BCL2: variants seen among roughly 807,000 people sequenced by gnomAD.
BCL2 encodes the protein apoptosis regulator Bcl-2.
In BCL2, 1 loss-of-function variant was observed where a neutral mutation model predicts 14.2. The observed-to-expected ratio is 0.07, with a 90% confidence interval of 0.02 to 0.33. The LOEUF (loss-of-function observed/expected upper bound fraction) is 0.33. BCL2 is among the 10% of genes least tolerant of loss of function. BCL2 has a pLI of 0.99. For synonymous variants in BCL2, 151 were observed against 137.2 expected (o/e 1.10, Z -0.70); for missense variants, 247 against 305.9 (o/e 0.81, Z 1.44).
At chr18:63,234,317 A>T (rs1303801803) in intron 2 of BCL2, among the ~76,000 whole-genome samples, 1 of 151,922 alleles carries the variant, frequency 6.6e-6, no homozygotes, top group Non-Finnish European at 1.5e-5. Context: ...TTCAGCTCCC[A>T]CTTATAAGTG....
chr18:63,210,076 G>A (rs1475269706), intron 2 of BCL2, among the ~76,000 whole-genome samples: 1 of 152,196 alleles, frequency 6.6e-6, no homozygotes, highest in Non-Finnish European at 1.5e-5. Context: ...CAGTCAGGAA[G>A]AAACCATCCA....
At chr18:63,169,387 CTTTT>C (rs768707055) in intron 2 of BCL2, among the ~76,000 whole-genome samples, 1 of 65,534 alleles carries the variant, frequency 1.5e-5, no homozygotes, top group Non-Finnish European at 2.7e-5. Flanking sequence ...TTCTTTCTTT[CTTTT>C]TCTTTCTTTC....
At chr18:63,190,057 T>C (rs1371115459) in intron 2 of BCL2, among the ~76,000 whole-genome samples, 2 of 152,186 alleles carry the variant, frequency 1.3e-5, no homozygotes, top group Non-Finnish European at 2.9e-5. Context: ...GGATTTACCA[T>C]ATTACTCAGC....
chr18:63,237,809 T>G (rs1910882535), intron 2 of BCL2, among the ~76,000 whole-genome samples: 1 of 152,268 alleles, frequency 6.6e-6, no homozygotes, highest in South Asian at 2.1e-4. Flanking sequence ...AACAGAGAAT[T>G]AGCTGTTGCT....
At chr18:63,299,950 C>T (rs72945066) in intron 2 of BCL2, among the ~76,000 whole-genome samples, 2,990 of 152,156 alleles carry the variant, frequency 0.02, 31 homozygotes, top group Non-Finnish European at 0.032. Context: ...TCTGTTTCCC[C>T]AGGAGACTGT....
intron 2 of BCL2, among the ~76,000 whole-genome samples, chr18:63,150,292 G>A (rs1354419276): frequency 6.6e-6 from 1 of 152,246 alleles, no homozygotes; most frequent in African/African-American, 2.4e-5. Flanking sequence ...TGACCTGGTG[G>A]CAAGATGGCT....
intron 2 of BCL2, among the ~76,000 whole-genome samples, chr18:63,259,500 C>T (rs941311109): frequency 2.6e-5 from 4 of 152,334 alleles, no homozygotes; most frequent in East Asian, 3.9e-4. Context: ...TGGATGAACA[C>T]GCAGGAAGCA....
Position 63,124,718 on chromosome 18 carries a change from G to A in BCL2, c.*3907C>T, listed in dbSNP as rs1446543041. ...TTGGAACCTTCATAAGCTTGACAAT[G>A]TAGAATTGTATTTCTTAAAAAGTGT... On this transcript the variant is annotated 3_prime_UTR_variant, in exon 3 of 3. Transcript: ENST00000333681. 3 of 227,512 alleles carry A rather than the reference G, an allele frequency of 1.3e-5. No individual in the cohort carries two copies. Among genetic ancestry groups the A allele is most frequent in the African/African-American group, 6.7e-5 (3 of 44,994 alleles). The allele number at this position is 227,512 out of a possible 1,614,324, so 14.1% of individuals were successfully genotyped here.
intron 2 of BCL2, among the ~76,000 whole-genome samples, chr18:63,137,546 A>G (rs1568212952): frequency 6.6e-6 from 1 of 152,222 alleles, no homozygotes; most frequent in Admixed American, 6.5e-5. Context: ...TGGCTTAGAT[A>G]AAATTCAGTG....
chr18:63,147,343 G>A (rs1011551276), intron 2 of BCL2, among the ~76,000 whole-genome samples: 22 of 152,200 alleles, frequency 1.4e-4, no homozygotes, highest in African/African-American at 5.1e-4. Flanking sequence ...TCAAAAGCAG[G>A]GAGGATGAAA....
chr18:63,291,054 C>G (rs1912630069), intron 2 of BCL2, among the ~76,000 whole-genome samples: 1 of 152,060 alleles, frequency 6.6e-6, no homozygotes, highest in Non-Finnish European at 1.5e-5. Flanking sequence ...ACTTCAACAC[C>G]CGGCACCCAC....
chr18:63,218,681 C>T, intron 2 of BCL2, among the ~76,000 whole-genome samples: 1 of 694 alleles, frequency 1.4e-3, no homozygotes, highest in Non-Finnish European at 3.4e-3. Flanking sequence ...CATCCCCATC[C>T]TCCACTCATC....
At chr18:63,309,395 T>G (rs1349223531) in intron 2 of BCL2, among the ~76,000 whole-genome samples, 1 of 152,234 alleles carries the variant, frequency 6.6e-6, no homozygotes, top group Non-Finnish European at 1.5e-5. Context: ...ATTCATCACA[T>G]GTACGCCACA....
intron 2 of BCL2, among the ~76,000 whole-genome samples, chr18:63,213,526 C>CCACA (rs57343137): frequency 0.65 from 94,895 of 146,540 alleles, 31,768 homozygotes; most frequent in Middle Eastern, 0.74. Context: ...ACACATTAAA[C>CCACA]CACACACACA....
intron 2 of BCL2, among the ~76,000 whole-genome samples, chr18:63,166,505 C>T (rs1915048683): frequency 6.6e-6 from 1 of 152,156 alleles, no homozygotes; most frequent in Admixed American, 6.5e-5. Flanking sequence ...ACTGGCCAAG[C>T]CCATACGATA....
At chr18:63,195,815 C>T (rs954500183) in intron 2 of BCL2, among the ~76,000 whole-genome samples, 2 of 152,078 alleles carry the variant, frequency 1.3e-5, no homozygotes, top group Non-Finnish European at 2.9e-5. Flanking sequence ...AAAAAGCCTG[C>T]TTTAAAAAAA....
intron 2 of BCL2, among the ~76,000 whole-genome samples, chr18:63,244,757 CAG>C (rs1480520178): frequency 6.6e-6 from 1 of 152,166 alleles, no homozygotes; most frequent in Non-Finnish European, 1.5e-5. Context: ...GCAGAGCAAA[CAG>C]AAAATCTCAA....
At chr18:63,216,408 A>G (rs1317152974) in intron 2 of BCL2, among the ~76,000 whole-genome samples, 2 of 151,852 alleles carry the variant, frequency 1.3e-5, no homozygotes, top group African/African-American at 4.8e-5. Context: ...TCTAAAAAAA[A>G]AAAAAAAAAG....
At chr18:63,190,570 G>T (rs925822814) in intron 2 of BCL2, among the ~76,000 whole-genome samples, 1 of 152,224 alleles carries the variant, frequency 6.6e-6, no homozygotes, top group Admixed American at 6.5e-5. Flanking sequence ...CTGCCACCCA[G>T]CCCATGCTCC....
Sources: gnomAD v4.1 joint callset for allele counts (sites outside exome capture counted in the v4.1 genomes callset) on GRCh38, gnomAD v4.1.1 for gene constraint, MANE v1.5 for transcripts, NCBI Gene and HGNC (gene_info 2026-07-23, HGNC 2026-07-21) for gene names.